Variants in KIAA1958 observed in about 807,000 individuals in gnomAD.
KIAA1958 encodes the protein uncharacterized protein KIAA1958.
A neutral mutation model predicts 47.2 loss-of-function variants in KIAA1958; 14 were observed. The ratio of observed to expected loss-of-function variants is 0.30; its 90% CI spans 0.20 to 0.46. The LOEUF is 0.46. Among genes scored for constraint, KIAA1958 ranks in the 20% least tolerant of loss-of-function variants. The pLI, the probability that KIAA1958 is intolerant of heterozygous loss-of-function variation, is 1.00. For missense variants in KIAA1958, 803 were observed against 909.2 expected, an observed-to-expected ratio of 0.88 and a Z score of 1.50; for synonymous variants, 354 against 353.3, an observed-to-expected ratio of 1.00 and a Z score of -0.02.
At chr9:112,643,756 A>G (rs1836930996) in intron 2 of KIAA1958, among the ~76,000 whole-genome samples, 1 of 152,186 alleles carries the variant, frequency 6.6e-6, no homozygotes, top group Non-Finnish European at 1.5e-5. Flanking sequence ...ACACACTCCT[A>G]AAAAATAGTA....
intron 2 of KIAA1958, among the ~76,000 whole-genome samples, chr9:112,631,551 AAAAAAG>A (rs1836707764): frequency 4.0e-5 from 6 of 151,678 alleles, no homozygotes; most frequent in Admixed American, 3.9e-4. Context: ...AAAAAAAAAA[AAAAAAG>A]GAAGTAAAAC....
chr9:112,630,713 GA>G (rs541736405), intron 2 of KIAA1958, among the ~76,000 whole-genome samples: 2 of 152,128 alleles, frequency 1.3e-5, no homozygotes, highest in South Asian at 2.1e-4. Context: ...ATTTAATAAT[GA>G]AAAAACATGT....
intron 1 of KIAA1958, among the ~76,000 whole-genome samples, chr9:112,507,319 G>A (rs1040237689): frequency 6.6e-6 from 1 of 152,072 alleles, no homozygotes; most frequent in South Asian, 2.1e-4. Flanking sequence ...AAGATGTGTG[G>A]AACTGACTGA....
At chr9:112,555,110 C>T (rs960330003) in intron 1 of KIAA1958, among the ~76,000 whole-genome samples, 1 of 152,128 alleles carries the variant, frequency 6.6e-6, no homozygotes, top group Non-Finnish European at 1.5e-5. Flanking sequence ...CTTTATCCTC[C>T]CAGAAAAATT....
chr9:112,659,829 G>A lies in KIAA1958; in HGVS notation c.1911G>A (p.Met637Ile). 6.2e-7 allele frequency: 1 copy of A among 1,614,108 alleles called. No individual in the cohort carries two copies. The highest frequency in any genetic ancestry group is 8.5e-7 in the Non-Finnish European group (1 of 1,180,018). ...QCPYCLLYKY[M>I]YIHRPPTQME... is the part of the protein sequence containing the mutation. ...CTTACTGCCTCCTCTACAAGTACATGTACATCCACCGGCCGCCCACCCAAA... is the reference window on the plus strand; with the variant it reads ...CTTACTGCCTCCTCTACAAGTACATATACATCCACCGGCCGCCCACCCAAA... Residue 637 changes from methionine to isoleucine, a missense_variant, in exon 4 of 4, where the codon ATG becomes ATA. This residue lies in a region of KIAA1958 where 761 missense variants were observed against 829.3 expected (regional missense o/e 0.92). Transcript: ENST00000337530.
chr9:112,658,724 C>T (rs974773987), intron 3 of KIAA1958, among the ~76,000 whole-genome samples: 21 of 151,920 alleles, frequency 1.4e-4, no homozygotes, highest in Non-Finnish European at 2.5e-4. Context: ...CTTTGGGAGG[C>T]CAAGGTGGGC....
intron 2 of KIAA1958, among the ~76,000 whole-genome samples, chr9:112,616,704 G>T (rs1307700900): frequency 6.6e-6 from 1 of 152,112 alleles, no homozygotes; most frequent in Admixed American, 6.6e-5. Context: ...ACCAGACCAT[G>T]TCTAACATAA....
chr9:112,643,021 G>A (rs377344327), intron 2 of KIAA1958, among the ~76,000 whole-genome samples: 5 of 152,310 alleles, frequency 3.3e-5, no homozygotes, highest in African/African-American at 9.6e-5. Flanking sequence ...GCGGTTTAAT[G>A]TGATAATTAA....
At position 112,661,418 on chromosome 9, in the gene KIAA1958, G is replaced by C. The variant is rs1247663807; in HGVS notation, c.*1349G>C. ...AATAATTTCTAGGGACCTTGACTTT[G>C]CATTTGAGGAAAATCTTGTGTAACT... On this transcript the variant is annotated 3_prime_UTR_variant, in exon 4 of 4. Coordinates refer to ENST00000337530, the MANE Select transcript of KIAA1958 (RefSeq NM_133465.4). 6.6e-6 allele frequency: 1 copy of C among 151,978 alleles called. No homozygotes were observed. The highest frequency in any genetic ancestry group is 6.5e-5 in the Admixed American group (1 of 15,278). 9.4% of individuals were successfully genotyped at this position (151,978 alleles called of 1,614,324 possible).
intron 1 of KIAA1958, among the ~76,000 whole-genome samples, chr9:112,547,244 G>GT (rs1835054353): frequency 1.3e-5 from 2 of 151,586 alleles, no homozygotes; most frequent in South Asian, 2.1e-4. Flanking sequence ...CTGGGAGTGG[G>GT]GTGCGTGCCT....
chr9:112,527,774 A>G (rs1834683238), intron 1 of KIAA1958, among the ~76,000 whole-genome samples: 1 of 151,706 alleles, frequency 6.6e-6, no homozygotes, highest in South Asian at 2.1e-4. Context: ...CCATCTCTAC[A>G]AAAAATACAA....
At chr9:112,554,173 A>G (rs1835202067) in intron 1 of KIAA1958, among the ~76,000 whole-genome samples, 1 of 152,176 alleles carries the variant, frequency 6.6e-6, no homozygotes, top group Non-Finnish European at 1.5e-5. Flanking sequence ...CGTGAATATA[A>G]AAAGATGTTC....
rs1294784833 is a variant in KIAA1958 at position 112,663,071 on chromosome 9, A to G, written c.*3002A>G. On this transcript the variant is annotated 3_prime_UTR_variant, in exon 4 of 4. Coordinates refer to ENST00000337530, the MANE Select transcript of KIAA1958 (RefSeq NM_133465.4). ...TTTTTATGCTCCCAAGTAGAAATAAATATCAAGAATTCACAGGTTGACTGA... is the reference window on the plus strand; with the variant it reads ...TTTTTATGCTCCCAAGTAGAAATAAGTATCAAGAATTCACAGGTTGACTGA... 1.3e-5 allele frequency: 2 copies of G among 152,234 alleles called. No homozygotes were observed. Among genetic ancestry groups the G allele is most frequent in the Non-Finnish European group, 2.9e-5 (2 of 68,070 alleles). The allele number at this position is 152,234 out of a possible 1,614,324, so 9.4% of individuals were successfully genotyped here. A position where few individuals can be genotyped will look rare whatever the true frequency, so the allele number is the denominator to read the frequency against.
At chr9:112,528,643 C>T (rs1017092922) in intron 1 of KIAA1958, among the ~76,000 whole-genome samples, 3 of 152,178 alleles carry the variant, frequency 2.0e-5, no homozygotes, top group Non-Finnish European at 4.4e-5. Flanking sequence ...CTGCCTCAGC[C>T]TCCCAAGTAG....
intron 2 of KIAA1958, among the ~76,000 whole-genome samples, chr9:112,639,577 G>T (rs932911080): frequency 6.6e-6 from 1 of 152,124 alleles, no homozygotes; most frequent in Non-Finnish European, 1.5e-5. Flanking sequence ...CTGCTGCATG[G>T]ATGCCCTTCT....
At chr9:112,568,901 A>C (rs1291975951) in intron 1 of KIAA1958, among the ~76,000 whole-genome samples, 1 of 146,874 alleles carries the variant, frequency 6.8e-6, no homozygotes, top group African/African-American at 2.6e-5. Flanking sequence ...AAAAAAAAAA[A>C]AAAAATAGAG....
intron 1 of KIAA1958, among the ~76,000 whole-genome samples, chr9:112,491,560 T>A (rs1001334071): frequency 6.6e-6 from 1 of 151,680 alleles, no homozygotes; most frequent in African/African-American, 2.4e-5. Context: ...TTTTTTTTGT[T>A]TTTTTTGTTT....
intron 1 of KIAA1958, among the ~76,000 whole-genome samples, chr9:112,517,732 T>C (rs1834462337): frequency 6.6e-6 from 1 of 152,054 alleles, no homozygotes; most frequent in African/African-American, 2.4e-5. Flanking sequence ...CTCTTAAAAC[T>C]CTGTACTAAA....
At chr9:112,571,047 G>T (rs961458782) in intron 1 of KIAA1958, among the ~76,000 whole-genome samples, 5 of 152,140 alleles carry the variant, frequency 3.3e-5, no homozygotes, top group African/African-American at 1.2e-4. Context: ...TTCTGTATTT[G>T]TTCTGTCTGG....
Sources: gnomAD v4.1 joint callset for allele counts (sites outside exome capture counted in the v4.1 genomes callset) on GRCh38, gnomAD v4.1.1 for gene constraint, gnomAD v4.1.1 regional missense constraint, MANE v1.5 for transcripts, NCBI Gene and HGNC (gene_info 2026-07-23, HGNC 2026-07-21) for gene names.